The following SCTR variants were observed in gnomAD, a reference collection of about 807,000 sequenced individuals.
SCTR encodes the protein pancreatic secretin receptor.
SCTR carries 56 observed loss-of-function variants against 60.8 expected under a neutral mutation model. That is an observed-to-expected ratio of 0.92 (90% CI 0.74 to 1.15). The LOEUF (loss-of-function observed/expected upper bound fraction) is 1.15, where lower values mean the gene tolerates loss of function less well. Ranked by LOEUF, SCTR falls within the 50% of genes most tolerant of loss-of-function variation. The pLI, the probability that SCTR is intolerant of heterozygous loss-of-function variation, is 0.00. For synonymous variants in SCTR, 202 were observed against 217.0 expected (o/e 0.93, Z 0.61); for missense variants, 562 against 550.4 (o/e 1.02, Z -0.21).
At chr2:119,468,188 T>A (rs988674129) in intron 4 of SCTR, among the ~76,000 whole-genome samples, 4 of 152,184 alleles carry the variant, frequency 2.6e-5, no homozygotes, top group African/African-American at 7.2e-5. Context: ...ATACTTCTAA[T>A]TTTTCCACAG....
intron 8 of SCTR, among the ~76,000 whole-genome samples, chr2:119,452,395 A>AGAT (rs1683208276): frequency 6.6e-6 from 1 of 152,212 alleles, no homozygotes; most frequent in Non-Finnish European, 1.5e-5. Context: ...GAAGCCAGGA[A>AGAT]GATGACATCA....
At chr2:119,504,891 T>C (rs1678681722) in intron 1 of SCTR, among the ~76,000 whole-genome samples, 1 of 152,144 alleles carries the variant, frequency 6.6e-6, no homozygotes, top group Non-Finnish European at 1.5e-5. Context: ...GCAAAAATTC[T>C]AATTAGATCA....
intron 1 of SCTR, among the ~76,000 whole-genome samples, chr2:119,520,186 C>G (rs933158307): frequency 3.9e-5 from 6 of 152,198 alleles, no homozygotes; most frequent in Middle Eastern, 3.4e-3. Flanking sequence ...CCCCAGTGAC[C>G]CTCTCTGAAA....
chr2:119,440,260 G>T lies in SCTR; in HGVS notation c.1183-3C>A. 5 of 1,611,748 alleles carry T rather than the reference G, an allele frequency of 3.1e-6. No individual in the cohort carries two copies. The highest frequency in any genetic ancestry group is 2.2e-5 in the East Asian group (1 of 44,858). ...TTCTTCTGAACCTCCAGCTGCACCT[G>T]CCCGGGAGACCAGCCATCAGCCCAG... On this transcript the variant is annotated splice_region_variant and splice_polypyrimidine_tract_variant and intron_variant, in intron 12 of 12. Transcript: ENST00000019103.
intron 1 of SCTR, among the ~76,000 whole-genome samples, chr2:119,523,063 T>C (rs932081583): frequency 4.6e-5 from 7 of 152,098 alleles, no homozygotes; most frequent in African/African-American, 9.7e-5. Context: ...GTTTTCCTTA[T>C]AATCAAACCA....
intron 10 of SCTR, among the ~76,000 whole-genome samples, chr2:119,448,105 G>A (rs1392331788): frequency 6.6e-6 from 1 of 152,162 alleles, no homozygotes; most frequent in Non-Finnish European, 1.5e-5. Context: ...CCCACACACA[G>A]AGCAAAGACC....
At chr2:119,509,724 C>T (rs1268568254) in intron 1 of SCTR, among the ~76,000 whole-genome samples, 1 of 152,066 alleles carries the variant, frequency 6.6e-6, no homozygotes, top group Non-Finnish European at 1.5e-5. Context: ...ATTAGGTATA[C>T]TCACAATGTT....
chr2:119,519,867 A>AAAAAAAAAAAAAC (rs1679237644), intron 1 of SCTR, among the ~76,000 whole-genome samples: 1 of 139,794 alleles, frequency 7.2e-6, no homozygotes, highest in African/African-American at 2.6e-5. Context: ...AAAAAGAAAA[A>AAAAAAAAAAAAAC]AAAACAAAAA....
intron 5 of SCTR, 104 bp downstream of exon 5, chr2:119,465,685 A>G (rs1431772259): frequency 2.6e-6 from 2 of 764,080 alleles, no homozygotes; most frequent in East Asian, 2.5e-5. Flanking sequence ...ACGACAAGGT[A>G]GTTCACTCAG....
At chr2:119,491,798 G>A (rs72834818) in intron 2 of SCTR, among the ~76,000 whole-genome samples, 8,170 of 152,174 alleles carry the variant, frequency 0.054, 381 homozygotes, top group African/African-American at 0.12. Context: ...GGTGTAAGCC[G>A]CTGTGCCCGG....
At chr2:119,510,382 A>G (rs1022330844) in intron 1 of SCTR, among the ~76,000 whole-genome samples, 3 of 152,216 alleles carry the variant, frequency 2.0e-5, no homozygotes, top group Non-Finnish European at 4.4e-5. Flanking sequence ...GACTGAGTCC[A>G]TGTTTCCAGG....
chr2:119,455,691 G>A (rs1411993622), intron 7 of SCTR, among the ~76,000 whole-genome samples: 2 of 152,176 alleles, frequency 1.3e-5, no homozygotes, highest in Non-Finnish European at 2.9e-5. Flanking sequence ...ACAGTGGAAT[G>A]AAAAGTAGGA....
chr2:119,458,726 T>C (rs1683479729), intron 7 of SCTR, among the ~76,000 whole-genome samples: 1 of 152,174 alleles, frequency 6.6e-6, no homozygotes, highest in African/African-American at 2.4e-5. Context: ...GCAAAATTTG[T>C]AATGGTTTAA....
At chr2:119,505,414 T>G (rs1313532407) in intron 1 of SCTR, among the ~76,000 whole-genome samples, 1 of 151,514 alleles carries the variant, frequency 6.6e-6, no homozygotes, top group Admixed American at 6.6e-5. Flanking sequence ...ATGGCACATG[T>G]ATACATATGT....
intron 8 of SCTR, among the ~76,000 whole-genome samples, 154 bp from the exon 9 acceptor site, chr2:119,452,233 C>T (rs956182040): frequency 6.6e-6 from 1 of 152,170 alleles, no homozygotes; most frequent in Non-Finnish European, 1.5e-5. Flanking sequence ...CATTAGAACA[C>T]CCCCTCCTGC....
intron 1 of SCTR, among the ~76,000 whole-genome samples, chr2:119,498,631 T>C (rs1347120527): frequency 6.6e-6 from 1 of 152,090 alleles, no homozygotes; most frequent in Non-Finnish European, 1.5e-5. Flanking sequence ...TTCTATACTA[T>C]CCTTGAACTG....
chr2:119,519,560 A>C (rs1026435718), intron 1 of SCTR, among the ~76,000 whole-genome samples: 81 of 152,122 alleles, frequency 5.3e-4, no homozygotes, highest in African/African-American at 1.9e-3. Context: ...TAATCCCAGC[A>C]CTTTGGGAGG....
chr2:119,470,235 G>A (rs1390012081), intron 4 of SCTR, among the ~76,000 whole-genome samples: 3 of 152,102 alleles, frequency 2.0e-5, no homozygotes, highest in Admixed American at 2.0e-4. Flanking sequence ...AATATTGTGT[G>A]TCAATAATAT....
intron 1 of SCTR, among the ~76,000 whole-genome samples, chr2:119,501,270 C>T (rs1354142943): frequency 6.6e-6 from 1 of 152,080 alleles, no homozygotes; most frequent in Non-Finnish European, 1.5e-5. Flanking sequence ...ATTAGCCAGG[C>T]TTGGTGGCAG....
Sources: allele counts gnomAD v4.1 joint callset (sites outside exome capture counted in the v4.1 genomes callset), GRCh38; gene constraint gnomAD v4.1.1; transcripts MANE v1.5; gene names NCBI Gene and HGNC (gene_info 2026-07-23, HGNC 2026-07-21).